The following THADA variants were observed in gnomAD, a reference collection of about 807,000 sequenced individuals.
THADA encodes the protein tRNA (32-2'-O)-methyltransferase regulator THADA.
In THADA, 213 loss-of-function variants were observed where a neutral mutation model predicts 219.8. The observed-to-expected ratio is 0.97, with a 90% CI of 0.87 to 1.09. The LOEUF is 1.09. Among genes scored for constraint, THADA ranks in the 50% least tolerant of loss-of-function variants. The pLI is 0.00. For missense variants in THADA, 2,956 were observed against 2,311.3 expected (o/e 1.28, Z -5.72); for synonymous variants, 1,018 against 828.9 (o/e 1.23, Z -3.92).
At chr2:43,491,212 A>C (rs147767775) in intron 25 of THADA, among the ~76,000 whole-genome samples, 1 of 152,342 alleles carries the variant, frequency 6.6e-6, no homozygotes, top group Non-Finnish European at 1.5e-5. Flanking sequence ...TGACTAACAA[A>C]CTACATTATC....
At chr2:43,488,266 G>A (rs887247668) in intron 25 of THADA, among the ~76,000 whole-genome samples, 4 of 152,162 alleles carry the variant, frequency 2.6e-5, no homozygotes, top group African/African-American at 9.7e-5. Context: ...AAAGTGTGAA[G>A]CTATCACCAC....
At chr2:43,499,068 T>G in intron 24 of THADA, 113 bp from the exon 25 acceptor site, 1 of 1,139,842 alleles carries the variant, frequency 8.8e-7, no homozygotes, top group South Asian at 1.9e-5. Context: ...TTACAAGAAA[T>G]GGATAATCCG....
At chr2:43,417,165 A>G (rs1398284611) in intron 28 of THADA, among the ~76,000 whole-genome samples, 1 of 148,988 alleles carries the variant, frequency 6.7e-6, no homozygotes, top group Non-Finnish European at 1.5e-5. Flanking sequence ...AACATTTGCT[A>G]TTATTGTTTT....
intron 33 of THADA, 119 bp downstream of exon 33, chr2:43,291,985 G>GTTTA (rs1399571823): frequency 2.6e-6 from 2 of 783,686 alleles, no homozygotes; most frequent in African/African-American, 3.5e-5. Flanking sequence ...TTAGGCTGAG[G>GTTTA]TTTAGAATGA....
intron 29 of THADA, among the ~76,000 whole-genome samples, chr2:43,382,664 C>T (rs1379322175): frequency 6.6e-6 from 1 of 152,162 alleles, no homozygotes; most frequent in Non-Finnish European, 1.5e-5. Context: ...GCATAACAAT[C>T]ATAAAGATTC....
At chr2:43,385,088 C>T (rs1207732863) in intron 29 of THADA, among the ~76,000 whole-genome samples, 1 of 151,920 alleles carries the variant, frequency 6.6e-6, no homozygotes, top group African/African-American at 2.4e-5. Context: ...TTGCAGTGAG[C>T]CAACATCTCA....
intron 20 of THADA, among the ~76,000 whole-genome samples, chr2:43,546,656 G>A (rs1225803271): frequency 1.3e-5 from 2 of 151,896 alleles, no homozygotes; most frequent in East Asian, 3.9e-4. Flanking sequence ...ATCTTTGTTG[G>A]TTTAAAGTCT....
chr2:43,498,842 C>T lies in THADA; in HGVS notation c.3735G>A (p.Pro1245=), dbSNP rs767421668. The part of the protein sequence containing the change: ...AKAAILGFTS[P]VWAVRNSSTL... ...TAGTGACAGCACTTACTGCCCAGAC[C>T]GGTGATGTAAAACCCAGAATTGCAG... is the stretch of plus-strand genomic sequence containing the variant. The change falls in exon 25 of 38, where the codon CCG becomes CCA. Residue 1245 remains proline (P), a synonymous_variant. Transcript: ENST00000405975. The T allele has an allele frequency of 4.7e-5, 75 of 1,612,704 alleles. No individual in the cohort carries two copies. The highest frequency in any genetic ancestry group is 5.3e-5 in the African/African-American group (4 of 74,876).
At chr2:43,290,685 G>A (rs950653389) in intron 34 of THADA, among the ~76,000 whole-genome samples, 16 of 152,120 alleles carry the variant, frequency 1.1e-4, no homozygotes, top group African/African-American at 3.6e-4. Context: ...TAGGTTTATT[G>A]TAAGGGCTCA....
intron 28 of THADA, among the ~76,000 whole-genome samples, chr2:43,426,879 A>T (rs1458536806): frequency 6.6e-6 from 1 of 152,224 alleles, no homozygotes; most frequent in East Asian, 1.9e-4. Context: ...CAGAAAGGTA[A>T]TAGCTAACTA....
In THADA at chr2:43,430,214, T is replaced by C. The variant is rs1005007701; in HGVS notation, c.3925A>G (p.Ser1309Gly). The change falls in exon 27 of 38, where the codon AGT becomes GGT. Residue 1309 changes from serine to glycine, a missense_variant and splice_region_variant. Coordinates refer to ENST00000405975, the MANE Select transcript of THADA (RefSeq NM_022065.5). ...TGCCCCACCCAATTCTCTTCTTACCTGTCTACTGTATTGGCTACAGTTTCC... is the reference window on the plus strand; with the variant it reads ...TGCCCCACCCAATTCTCTTCTTACCCGTCTACTGTATTGGCTACAGTTTCC... ...QLETVANTVD[S>G]DMGEPNRHPS... 6.6e-7 allele frequency: 1 copy of C among 1,513,040 alleles called. No individual in the cohort carries two copies. The highest frequency in any genetic ancestry group is 8.9e-7 in the Non-Finnish European group (1 of 1,127,110). The allele number at this position is 1,513,040 out of a possible 1,614,324, so 93.7% of individuals were successfully genotyped here. A position where few individuals can be genotyped will look rare whatever the true frequency, so the allele number is the denominator to read the frequency against.
At chr2:43,306,616 G>C (rs544743082) in intron 31 of THADA, among the ~76,000 whole-genome samples, 1 of 152,166 alleles carries the variant, frequency 6.6e-6, no homozygotes, top group East Asian at 1.9e-4. Context: ...AGGGTCTGTA[G>C]AGTCTGAGAC....
At chr2:43,306,799 G>A (rs1676917793) in intron 31 of THADA, among the ~76,000 whole-genome samples, 1 of 152,222 alleles carries the variant, frequency 6.6e-6, no homozygotes, top group African/African-American at 2.4e-5. Flanking sequence ...CAATGGAAAT[G>A]AGCCTGGGAG....
intron 31 of THADA, among the ~76,000 whole-genome samples, chr2:43,308,704 G>C (rs1677138023): frequency 1.1e-5 from 1 of 90,522 alleles, no homozygotes; most frequent in South Asian, 3.9e-4. Context: ...CCTGTCTCTA[G>C]AAACGAAGAA....
In THADA at chr2:43,475,205, TCA is replaced by T. The variant is rs1250466577; in HGVS notation, c.3836+10027_3836+10028del. On this transcript the variant is annotated intron_variant, in intron 26 of 37. Coordinates refer to ENST00000405975, the MANE Select transcript of THADA (RefSeq NM_022065.5). ...GCTGAGGTGGGTGGATCACTTGAGC[TCA>T]GGAATTTGAGACCAGCCTGGGCAAA... 2.0e-5 allele frequency among the ~76,000 whole-genome samples: 3 copies of T among 152,106 alleles called. No individual in the cohort carries two copies. In the East Asian group the frequency reaches 5.8e-4, roughly 29 times the overall value.
intron 36 of THADA, among the ~76,000 whole-genome samples, chr2:43,272,318 G>C (rs533117293): frequency 2.0e-5 from 3 of 152,214 alleles, no homozygotes; most frequent in African/African-American, 7.2e-5. Context: ...CTGAGCAGAA[G>C]AGCAGTATCA....
chr2:43,378,020 G>A (rs1259280712), intron 29 of THADA, among the ~76,000 whole-genome samples: 1 of 152,226 alleles, frequency 6.6e-6, no homozygotes, highest in African/African-American at 2.4e-5. Context: ...TGATTAGACT[G>A]AGGTCATAGA....
rs540193594 is a variant in THADA at position 43,301,521 on chromosome 2, A to C, written c.4439-8308T>G. 4.6e-5 allele frequency among the ~76,000 whole-genome samples: 7 copies of C among 152,308 alleles called. No homozygotes were observed. The South Asian group carries it at 1.5e-3, about 32-fold the overall frequency. On this transcript the variant is annotated intron_variant, in intron 31 of 37. Transcript: ENST00000405975. Reference sequence around the variant, plus strand: ...GGGACCACAGGAACCATATTCCCCTATTCCATCTCAGTACCCAGAGTGAGA... The same window carrying C: ...GGGACCACAGGAACCATATTCCCCTCTTCCATCTCAGTACCCAGAGTGAGA...
At chr2:43,515,077 T>C (rs1476671103) in intron 22 of THADA, among the ~76,000 whole-genome samples, 1 of 42,490 alleles carries the variant, frequency 2.4e-5, no homozygotes, top group Non-Finnish European at 3.8e-5. Context: ...TTATATATAA[T>C]ATATATAAAT....
Sources: gnomAD v4.1 joint callset for allele counts (sites outside exome capture counted in the v4.1 genomes callset) on GRCh38, gnomAD v4.1.1 for gene constraint, MANE v1.5 for transcripts, NCBI Gene and HGNC (gene_info 2026-07-23, HGNC 2026-07-21) for gene names.